Variants in ECT2 observed in about 807,000 individuals in gnomAD.
The protein encoded by ECT2 is epithelial cell transforming 2.
ECT2 carries 61 observed loss-of-function variants against 116.9 expected under a neutral mutation model. That is an observed-to-expected ratio of 0.52 (90% CI 0.42 to 0.65). The LOEUF (loss-of-function observed/expected upper bound fraction) is 0.65. Among genes scored for constraint, ECT2 ranks in the 30% least tolerant of loss-of-function variants. ECT2 has a pLI of 0.00. For missense variants in ECT2, 937 were observed against 1,078.7 expected, an observed-to-expected ratio of 0.87 and a Z score of 1.84; for synonymous variants, 358 against 346.4, an observed-to-expected ratio of 1.03 and a Z score of -0.37.
At chr3:172,823,912 C>A (rs1440971953), downstream of ECT2, among the ~76,000 whole-genome samples, 1 of 141,528 alleles carries the variant, frequency 7.1e-6, no homozygotes, top group Non-Finnish European at 1.5e-5. Flanking sequence ...ATTTTTCTTT[C>A]TAAAACTTCT....
In ECT2 at chr3:172,768,741, T is replaced by A. The variant is rs185446168; in HGVS notation, c.1292-266T>A. ...GTCTTCTCTAACCTGGAACAGTTCC[T>A]TAGTCTTTCTTTGTTTTTAATAACC... On this transcript the variant is annotated intron_variant, in intron 12 of 24. Coordinates refer to ENST00000392692, the MANE Select transcript of ECT2 (RefSeq NM_001258315.2). Among the ~76,000 whole-genome samples the A allele has an allele frequency of 8.5e-5, 13 of 152,334 alleles. No individual in the cohort carries two copies. The East Asian group carries it at 2.3e-3, about 27-fold the overall frequency.
At chr3:172,795,823 CAAA>C (rs1222388494) in intron 18 of ECT2, among the ~76,000 whole-genome samples, 1 of 151,998 alleles carries the variant, frequency 6.6e-6, no homozygotes, top group Non-Finnish European at 1.5e-5. Flanking sequence ...AGAGAAAAAA[CAAA>C]AACGAATTGC....
intron 20 of ECT2, among the ~76,000 whole-genome samples, chr3:172,803,991 G>T (rs1182093104): frequency 6.6e-6 from 1 of 151,880 alleles, no homozygotes; most frequent in African/African-American, 2.4e-5. Context: ...GTAGAGACTG[G>T]TTTTGCATGT....
At chr3:172,809,791 G>A (rs1045929884) in intron 22 of ECT2, among the ~76,000 whole-genome samples, 5 of 152,046 alleles carry the variant, frequency 3.3e-5, no homozygotes, top group Admixed American at 1.3e-4. Context: ...TTCATTTGTC[G>A]TGTCCGCTCA....
At chr3:172,751,972 T>C (rs1250921388) in intron 1 of ECT2, among the ~76,000 whole-genome samples, 1 of 152,194 alleles carries the variant, frequency 6.6e-6, no homozygotes, top group East Asian at 1.9e-4. Flanking sequence ...AATAAATTGA[T>C]CATATACAGT....
intron 3 of ECT2, 53 bp from the exon 4 acceptor site, chr3:172,755,430 T>C: frequency 6.5e-7 from 1 of 1,539,286 alleles, no homozygotes; most frequent in South Asian, 1.2e-5. Flanking sequence ...TCCATCAGTG[T>C]GTAAATAGTT....
At chr3:172,771,519 G>A (rs1720631444) in intron 13 of ECT2, 1 of 152,226 alleles carries the variant, frequency 6.6e-6, no homozygotes. Flanking sequence ...TCAATAGCAA[G>A]GGTGTAGTAG....
At chr3:172,788,755 A>G (rs1724056000) in intron 18 of ECT2, among the ~76,000 whole-genome samples, 1 of 152,198 alleles carries the variant, frequency 6.6e-6, no homozygotes, top group Admixed American at 6.5e-5. Context: ...TTAATGAAAA[A>G]TTATTGTTAA....
chr3:172,762,633 A>T (rs1017991574), intron 9 of ECT2, 58 bp from the exon 10 acceptor site: 77 of 1,580,144 alleles, frequency 4.9e-5, no homozygotes, highest in Middle Eastern at 3.4e-4. Flanking sequence ...CTCTTAAAAA[A>T]TTTGAGTTTG....
intron 18 of ECT2, among the ~76,000 whole-genome samples, chr3:172,787,093 T>C (rs914826387): frequency 6.6e-6 from 1 of 152,228 alleles, no homozygotes; most frequent in Non-Finnish European, 1.5e-5. Flanking sequence ...GGCTGCTTAC[T>C]ATAGGTCTAA....
rs1723641401 is a variant in ECT2 at position 172,786,559 on chromosome 3, T to C, written c.1892T>C (p.Leu631Pro). The change falls in exon 18 of 25, where the codon CTG becomes CCG. Residue 631 changes from leucine to proline, a missense_variant. Coordinates refer to ENST00000392692, the MANE Select transcript of ECT2 (RefSeq NM_001258315.2). ...KSTLEKAIGS[L>P]KEVMTHINED... Reference sequence around the variant, plus strand: ...ACTTTAGAAAAAGCTATTGGATCACTGAAGGAAGTAATGACGTAAGTGCAT... The same window carrying C: ...ACTTTAGAAAAAGCTATTGGATCACCGAAGGAAGTAATGACGTAAGTGCAT... The C allele has an allele frequency of 6.2e-7, 1 of 1,608,618 alleles. No individual in the cohort carries two copies. Among genetic ancestry groups the C allele is most frequent in the Non-Finnish European group, 8.5e-7 (1 of 1,176,150 alleles).
rs776325796 is a variant in ECT2, at chr3:172,759,058, AAAG to A, written c.571_573del (p.Glu191del). 7 of 1,594,938 alleles carry A rather than the reference AAAG, an allele frequency of 4.4e-6. No homozygotes were observed. Among genetic ancestry groups the A allele is most frequent in the African/African-American group, 1.3e-5 (1 of 74,272 alleles). On this transcript the variant is annotated inframe_deletion, in exon 6 of 25. Transcript: ENST00000392692. ...ACTATGCTTTACTGGATTTAGGAAA[AAAG>A]AAGAACTAGTAAGTATTACGAAACA...
chr3:172,771,946 GT>G (rs1720733484), intron 13 of ECT2, among the ~76,000 whole-genome samples: 1 of 152,118 alleles, frequency 6.6e-6, no homozygotes, highest in African/African-American at 2.4e-5. Flanking sequence ...AACTGTTCGT[GT>G]TTTTTGCCCA....
Position 172,758,869 on chromosome 3 carries a change from T to C in ECT2, c.487-111T>C, listed in dbSNP as rs905683610. On this transcript the variant is annotated intron_variant, in intron 5 of 24. Transcript: ENST00000392692. ...GAAAAAATGCCAGTAAATCTTTGGA[T>C]TGGGAAAGTTGAATGGCAAGAGGGG... The C allele has an allele frequency of 1.0e-5, 9 of 894,500 alleles. 1 individual carries two copies. Among genetic ancestry groups the C allele is most frequent in the African/African-American group, 5.2e-5 (3 of 57,812 alleles). The allele number at this position is 894,500 out of a possible 1,614,324, so 55.4% of individuals were successfully genotyped here. A position where few individuals can be genotyped will look rare whatever the true frequency, so the allele number is the denominator to read the frequency against.
chr3:172,775,804 T>C (rs1721553402), intron 14 of ECT2, among the ~76,000 whole-genome samples: 1 of 152,012 alleles, frequency 6.6e-6, no homozygotes, highest in Non-Finnish European at 1.5e-5. Context: ...TGGCTAATTT[T>C]TGTATATTTA....
At chr3:172,809,245 A>G (rs1728307574) in intron 22 of ECT2, among the ~76,000 whole-genome samples, 1 of 152,162 alleles carries the variant, frequency 6.6e-6, no homozygotes, top group Non-Finnish European at 1.5e-5. Flanking sequence ...TGAAACATTA[A>G]CAGAAAATTT....
At chr3:172,764,120 T>C (rs968591224) in intron 11 of ECT2, among the ~76,000 whole-genome samples, 158 bp from the exon 12 acceptor site, 23 of 152,222 alleles carry the variant, frequency 1.5e-4, no homozygotes, top group African/African-American at 5.5e-4. Flanking sequence ...TTGACTATTA[T>C]GTTTTATGAA....
chr3:172,786,650 A>G (rs766855940), intron 18 of ECT2, 76 bp downstream of exon 18: 1 of 1,000,246 alleles, frequency 1.0e-6, no homozygotes, highest in Non-Finnish European at 1.5e-6. Flanking sequence ...AATCATAAAT[A>G]GGAAAATATC....
chr3:172,751,109 A>G (rs890645226), intron 1 of ECT2: 3 of 152,296 alleles, frequency 2.0e-5, no homozygotes, highest in African/African-American at 7.2e-5. Flanking sequence ...TCTTTTGGAC[A>G]GAAGAGTGTG....
Sources: gnomAD v4.1 joint callset for allele counts (sites outside exome capture counted in the v4.1 genomes callset) on GRCh38, gnomAD v4.1.1 for gene constraint, MANE v1.5 for transcripts, NCBI Gene and HGNC (gene_info 2026-07-23, HGNC 2026-07-21) for gene names.